The following TANGO6 variants were observed in gnomAD, a reference collection of about 807,000 sequenced individuals.
TANGO6 encodes transport and golgi organization 6 homolog.
A neutral mutation model predicts 114.2 loss-of-function variants in TANGO6; 90 were observed. The observed-to-expected ratio is 0.79, with a 90% CI of 0.66 to 0.94. The LOEUF (loss-of-function observed/expected upper bound fraction) is 0.94, where lower values mean the gene tolerates loss of function less well. Ranked by LOEUF, TANGO6 falls within the 40% of genes least tolerant of loss-of-function variation. The probability of loss-of-function intolerance (pLI) is 0.00; values close to 1 mark genes in which losing one functional copy is unlikely to be tolerated. For synonymous variants in TANGO6, 477 were observed against 509.8 expected, an observed-to-expected ratio of 0.94 and a Z score of 0.87; for missense variants, 1,274 against 1,315.3, an observed-to-expected ratio of 0.97 and a Z score of 0.49.
chr16:68,896,256 C>A (rs1195042096), intron 7 of TANGO6, among the ~76,000 whole-genome samples: 1 of 152,180 alleles, frequency 6.6e-6, no homozygotes, highest in African/African-American at 2.4e-5. Context: ...ATCTTCCCTC[C>A]TGAGCCTCCC....
intron 15 of TANGO6, among the ~76,000 whole-genome samples, chr16:69,018,167 A>G (rs1396206799): frequency 5.0e-5 from 5 of 99,136 alleles, no homozygotes; most frequent in African/African-American, 1.7e-4. Context: ...TTTTTGAGAC[A>G]GAGTCTCTCT....
chr16:68,970,591 CG>C lies in TANGO6; in HGVS notation c.2702-3434del, dbSNP rs1963692134. On this transcript the variant is annotated intron_variant, in intron 14 of 17. Transcript: ENST00000261778. ...CTGAGGCAGGAGAATCACTTGAACC[CG>C]GGAGATGGAGGTTGCAGTGAGCTGA... Among the ~76,000 whole-genome samples, 4 of 149,588 alleles carry C rather than the reference CG, an allele frequency of 2.7e-5. No individual in the cohort carries two copies. The Admixed American group carries it at 2.7e-4, about 10-fold the overall frequency.
intron 15 of TANGO6, among the ~76,000 whole-genome samples, chr16:68,995,567 T>A (rs1175373762): frequency 6.6e-6 from 1 of 152,174 alleles, no homozygotes; most frequent in Non-Finnish European, 1.5e-5. Flanking sequence ...TTCTTTCCAC[T>A]TTTGAAAGTG....
chr16:68,988,822 C>T (rs1309375787), intron 15 of TANGO6, among the ~76,000 whole-genome samples: 3 of 151,784 alleles, frequency 2.0e-5, no homozygotes, highest in Non-Finnish European at 4.4e-5. Flanking sequence ...ACCCAGTCTC[C>T]CAAGTAGCTA....
intron 14 of TANGO6, among the ~76,000 whole-genome samples, chr16:68,964,460 G>T: frequency 6.6e-6 from 1 of 150,990 alleles, no homozygotes; most frequent in South Asian, 2.1e-4. Flanking sequence ...TTTCCCCTTT[G>T]TACACAAATA....
At chr16:68,978,380 A>ACAGC (rs958160775) in intron 15 of TANGO6, among the ~76,000 whole-genome samples, 4 of 152,160 alleles carry the variant, frequency 2.6e-5, no homozygotes, top group Non-Finnish European at 5.9e-5. Flanking sequence ...AATTTCCAAA[A>ACAGC]CAGCCTTCTG....
intron 4 of TANGO6, among the ~76,000 whole-genome samples, chr16:68,869,966 C>G (rs1424640389): frequency 6.6e-6 from 1 of 152,102 alleles, no homozygotes; most frequent in Non-Finnish European, 1.5e-5. Context: ...TCAGGGAGGC[C>G]TGATAGGCTG....
At chr16:68,928,950 G>A (rs1188769620) in intron 13 of TANGO6, among the ~76,000 whole-genome samples, 1 of 152,118 alleles carries the variant, frequency 6.6e-6, no homozygotes, top group East Asian at 1.9e-4. Context: ...ACAGGGTCTC[G>A]CTCCGTCGCC....
Position 68,843,580 on chromosome 16 carries a change from G to T in TANGO6, c.-38G>T, listed in dbSNP as rs752699385. 1.9e-5 allele frequency: 30 copies of T among 1,600,330 alleles called. No homozygotes were observed. The highest frequency in any genetic ancestry group is 2.5e-5 in the Non-Finnish European group (29 of 1,171,216). On this transcript the variant is annotated 5_prime_UTR_variant, in exon 1 of 18. Coordinates refer to ENST00000261778, the MANE Select transcript of TANGO6 (RefSeq NM_024562.2). Reference sequence around the variant, plus strand: ...GGCGGCGGCGGCGCCCTGCCGAGGCGCCTGAGCGGGTCGCGAGCGTGGTGT... The same window carrying T: ...GGCGGCGGCGGCGCCCTGCCGAGGCTCCTGAGCGGGTCGCGAGCGTGGTGT...
intron 11 of TANGO6, among the ~76,000 whole-genome samples, chr16:68,910,966 C>T (rs750001383): frequency 2.0e-5 from 3 of 152,034 alleles, no homozygotes; most frequent in Non-Finnish European, 2.9e-5. Flanking sequence ...CGTGAGCTAC[C>T]GTGCCCAGCC....
chr16:68,853,335 T>C (rs1324550868), intron 1 of TANGO6, among the ~76,000 whole-genome samples: 1 of 151,682 alleles, frequency 6.6e-6, no homozygotes, highest in East Asian at 1.9e-4. Flanking sequence ...ATACACATTG[T>C]TACTTCCAGG....
intron 15 of TANGO6, among the ~76,000 whole-genome samples, chr16:68,976,422 G>A (rs1963766141): frequency 6.6e-6 from 1 of 152,192 alleles, no homozygotes; most frequent in Non-Finnish European, 1.5e-5. Flanking sequence ...TGTTTATTGA[G>A]TGCTCATATG....
At chr16:68,908,184 G>A (rs944519146) in intron 10 of TANGO6, among the ~76,000 whole-genome samples, 1 of 152,148 alleles carries the variant, frequency 6.6e-6, no homozygotes, top group Non-Finnish European at 1.5e-5. Context: ...CCTAAGTAAA[G>A]TGTCTACTCT....
chr16:69,077,441 C>T (rs185809311), intron 17 of TANGO6, among the ~76,000 whole-genome samples: 3 of 152,176 alleles, frequency 2.0e-5, no homozygotes, highest in East Asian at 3.9e-4. Flanking sequence ...AGGAGTGGCA[C>T]GCATGAATGC....
intron 14 of TANGO6, among the ~76,000 whole-genome samples, chr16:68,970,747 A>T (rs2051216654): frequency 6.6e-6 from 1 of 152,084 alleles, no homozygotes; most frequent in South Asian, 2.1e-4. Flanking sequence ...CTAGAAATAG[A>T]TCAAAGTTTT....
intron 17 of TANGO6, among the ~76,000 whole-genome samples, chr16:69,074,997 C>T (rs188281464): frequency 1.8e-4 from 27 of 152,012 alleles, no homozygotes; most frequent in Admixed American, 7.9e-4. Context: ...TACAGGCATG[C>T]GCCACTACGC....
At chr16:68,964,838 G>A (rs1040218181) in intron 14 of TANGO6, among the ~76,000 whole-genome samples, 4 of 152,022 alleles carry the variant, frequency 2.6e-5, no homozygotes, top group South Asian at 2.1e-4. Context: ...TCAAATGCTG[G>A]GATTACAGGC....
chr16:68,917,341 T>C (rs917942124), intron 11 of TANGO6, among the ~76,000 whole-genome samples: 13 of 152,186 alleles, frequency 8.5e-5, no homozygotes, highest in African/African-American at 2.4e-4. Context: ...GTTTTAACAA[T>C]TATGACTAGA....
chr16:68,917,410 GA>G (rs1478256259), intron 11 of TANGO6, among the ~76,000 whole-genome samples: 5 of 152,134 alleles, frequency 3.3e-5, no homozygotes, highest in Non-Finnish European at 5.9e-5. Flanking sequence ...AACTCATTTG[GA>G]TAAATATCAA....
Sources: gnomAD v4.1 joint callset for allele counts (sites outside exome capture counted in the v4.1 genomes callset) on GRCh38, gnomAD v4.1.1 for gene constraint, MANE v1.5 for transcripts, NCBI Gene and HGNC (gene_info 2026-07-23, HGNC 2026-07-21) for gene names.